Variants in TSPAN18 observed in about 807,000 individuals in gnomAD.
The protein encoded by TSPAN18 is tetraspanin-18.
Under a neutral mutation model 27.3 loss-of-function variants are expected in TSPAN18, and 14 were observed. That is an observed-to-expected ratio of 0.51 (90% CI 0.34 to 0.80). The LOEUF is 0.80. Ranked by LOEUF, TSPAN18 falls within the 30% of genes least tolerant of loss-of-function variation. The probability of loss-of-function intolerance (pLI) is 0.01; values close to 1 mark genes in which losing one functional copy is unlikely to be tolerated. For missense variants in TSPAN18, 268 were observed against 323.9 expected, an observed-to-expected ratio of 0.83 and a Z score of 1.32; for synonymous variants, 143 against 136.5, an observed-to-expected ratio of 1.05 and a Z score of -0.33.
At chr11:44,795,634 C>A (rs543598175) in intron 2 of TSPAN18, among the ~76,000 whole-genome samples, 2 of 151,910 alleles carry the variant, frequency 1.3e-5, no homozygotes, top group Admixed American at 1.3e-4. Context: ...CACTGCCACA[C>A]CCTTACTCCT....
chr11:44,813,557 C>T (rs1214053212), intron 2 of TSPAN18, among the ~76,000 whole-genome samples: 1 of 152,196 alleles, frequency 6.6e-6, no homozygotes, highest in Non-Finnish European at 1.5e-5. Flanking sequence ...AATTTCCACT[C>T]AGCAGGCGCT....
chr11:44,908,769 G>GAGAAAGAAAGAAAGAA (rs370907948), intron 4 of TSPAN18, among the ~76,000 whole-genome samples: 2,887 of 71,496 alleles, frequency 0.04, 178 homozygotes, highest in Middle Eastern at 0.073. Context: ...AGAGAGAAAG[G>GAGAAAGAAAGAAAGAA]AGAAAGAAAG....
At chr11:44,788,247 G>A (rs1856106060) in intron 2 of TSPAN18, among the ~76,000 whole-genome samples, 1 of 152,106 alleles carries the variant, frequency 6.6e-6, no homozygotes, top group African/African-American at 2.4e-5. Context: ...GCAGCTCTTG[G>A]GCTGCACTGC....
At chr11:44,924,130 T>TGTGTGTGTGA (rs1491312887) in intron 8 of TSPAN18, among the ~76,000 whole-genome samples, 11 of 144,930 alleles carry the variant, frequency 7.6e-5, no homozygotes, top group African/African-American at 2.2e-4. Context: ...TGTGTGTGTG[T>TGTGTGTGTGA]GATTATATTG....
chr11:44,924,092 T>TG (rs1860249637), intron 8 of TSPAN18, among the ~76,000 whole-genome samples: 2 of 124,396 alleles, frequency 1.6e-5, no homozygotes, highest in East Asian at 2.3e-4. Context: ...TGTCCCCTTC[T>TG]GGGGTTGTGT....
intron 1 of TSPAN18, among the ~76,000 whole-genome samples, chr11:44,750,691 A>G (rs1855190009): frequency 6.6e-6 from 1 of 151,924 alleles, no homozygotes; most frequent in South Asian, 2.1e-4. Flanking sequence ...CTACATGAAG[A>G]GCTTTAGTGA....
chr11:44,735,896 C>T (rs1481978225), intron 1 of TSPAN18, among the ~76,000 whole-genome samples: 2 of 152,106 alleles, frequency 1.3e-5, no homozygotes, highest in Non-Finnish European at 1.5e-5. Flanking sequence ...GGATTACAGG[C>T]GTGAGCCACC....
chr11:44,902,150 A>G (rs1304394698), intron 3 of TSPAN18, among the ~76,000 whole-genome samples: 3 of 152,248 alleles, frequency 2.0e-5, no homozygotes, highest in African/African-American at 4.8e-5. Context: ...TGAGTAACCT[A>G]TGAAGGCAGA....
At chr11:44,740,607 G>C (rs1210785266) in intron 1 of TSPAN18, among the ~76,000 whole-genome samples, 1 of 152,202 alleles carries the variant, frequency 6.6e-6, no homozygotes, top group Non-Finnish European at 1.5e-5. Context: ...GGGACACCTG[G>C]AAATGCAGAG....
chr11:44,756,734 G>A (rs190485022), intron 1 of TSPAN18, among the ~76,000 whole-genome samples: 135 of 152,242 alleles, frequency 8.9e-4, no homozygotes, highest in African/African-American at 3.1e-3. Flanking sequence ...ATGTTGCAGC[G>A]TGTCAGAATT....
rs113227551 is a variant in TSPAN18 at position 44,868,693 on chromosome 11, G to A, written c.-11+8224G>A. Among the ~76,000 whole-genome samples, 850 of 152,346 alleles carry A rather than the reference G, an allele frequency of 5.6e-3. 11 individuals carry two copies. The highest frequency in any genetic ancestry group is 0.02 in the African/African-American group (824 of 41,582). The stretch of plus-strand genomic sequence containing the variant: ...CCTACAGTGAGTCCAGCCACTGGCC[G>A]GGAGGAGAAAACTTGCAAACCACAA... On this transcript the variant is annotated intron_variant, in intron 3 of 9. Coordinates refer to ENST00000520358, the MANE Select transcript of TSPAN18 (RefSeq NM_130783.5).
intron 3 of TSPAN18, among the ~76,000 whole-genome samples, chr11:44,864,825 G>A (rs527318878): frequency 3.4e-4 from 52 of 152,184 alleles, no homozygotes; most frequent in Non-Finnish European, 6.6e-4. Flanking sequence ...TCTGGAGGAC[G>A]CCAAGCCTGT....
chr11:44,911,125 C>T (rs547657194), intron 5 of TSPAN18, among the ~76,000 whole-genome samples: 1 of 152,204 alleles, frequency 6.6e-6, no homozygotes, highest in Non-Finnish European at 1.5e-5. Context: ...AGCCCAGTCC[C>T]GCTACAGGGT....
intron 2 of TSPAN18, among the ~76,000 whole-genome samples, chr11:44,794,815 G>A (rs1025653974): frequency 6.6e-6 from 1 of 152,182 alleles, no homozygotes; most frequent in Non-Finnish European, 1.5e-5. Flanking sequence ...TAATGAAAGC[G>A]CCTGTCTGAT....
intron 1 of TSPAN18, among the ~76,000 whole-genome samples, chr11:44,756,277 C>T (rs80002692): frequency 4.1e-4 from 61 of 147,082 alleles, no homozygotes; most frequent in African/African-American, 1.4e-3. Flanking sequence ...AGGGGTGTAG[C>T]CCCCATCTGT....
chr11:44,773,268 T>G (rs537329020), intron 2 of TSPAN18, among the ~76,000 whole-genome samples: 3 of 151,948 alleles, frequency 2.0e-5, no homozygotes, highest in Admixed American at 6.6e-5. Flanking sequence ...AATATAAAAT[T>G]AGCCGGGCGT....
chr11:44,801,056 A>G (rs147420556), intron 2 of TSPAN18, among the ~76,000 whole-genome samples: 22 of 152,294 alleles, frequency 1.4e-4, no homozygotes, highest in Non-Finnish European at 2.4e-4. Flanking sequence ...CCTCATATCT[A>G]TGGATGACTG....
intron 2 of TSPAN18, among the ~76,000 whole-genome samples, chr11:44,835,285 A>AT (rs1403325529): frequency 6.6e-6 from 1 of 152,238 alleles, no homozygotes; most frequent in East Asian, 1.9e-4. Flanking sequence ...TCACTGGACA[A>AT]TTCATGCAAA....
At chr11:44,762,380 T>C (rs1436931145) in intron 1 of TSPAN18, among the ~76,000 whole-genome samples, 1 of 152,198 alleles carries the variant, frequency 6.6e-6, no homozygotes, top group Admixed American at 6.5e-5. Context: ...GATCCCACTT[T>C]TGTAAAAAGT....
Sources: gnomAD v4.1 joint callset for allele counts (sites outside exome capture counted in the v4.1 genomes callset) on GRCh38, gnomAD v4.1.1 for gene constraint, MANE v1.5 for transcripts, NCBI Gene and HGNC (gene_info 2026-07-23, HGNC 2026-07-21) for gene names.